The following THSD7B variants were observed in gnomAD, a reference collection of about 807,000 sequenced individuals.
The protein encoded by THSD7B is thrombospondin type 1 domain containing 7B, also known as thrombospondin type-1 domain-containing protein 7B.
A neutral mutation model predicts 213.6 loss-of-function variants in THSD7B; 138 were observed. The observed-to-expected ratio is 0.65, with a 90% CI of 0.56 to 0.74. The LOEUF is 0.74. THSD7B is among the 30% of genes least tolerant of loss of function. THSD7B has a pLI of 0.00. For synonymous variants in THSD7B, 742 were observed against 687.0 expected (o/e 1.08, Z -1.25); for missense variants, 1,931 against 1,991.5 (o/e 0.97, Z 0.58).
intron 12 of THSD7B, among the ~76,000 whole-genome samples, chr2:137,368,566 T>G (rs1685471962): frequency 1.3e-5 from 2 of 152,184 alleles, no homozygotes; most frequent in Admixed American, 1.3e-4. Flanking sequence ...TCAGTGATAC[T>G]ATATTCCAGT....
intron 12 of THSD7B, among the ~76,000 whole-genome samples, chr2:137,297,068 C>T (rs56881366): frequency 0.022 from 3,220 of 149,318 alleles, 103 homozygotes; most frequent in African/African-American, 0.069. Flanking sequence ...TTCTTGTTTA[C>T]GTTTGTTGTC....
intron 2 of THSD7B, among the ~76,000 whole-genome samples, chr2:136,989,081 A>G (rs1558878437): frequency 1.3e-5 from 2 of 152,230 alleles, no homozygotes; most frequent in Admixed American, 1.3e-4. Context: ...GAAAATCTCT[A>G]GGAGCAGATG....
chr2:137,203,357 G>A (rs1273752779), intron 7 of THSD7B, among the ~76,000 whole-genome samples: 1 of 151,960 alleles, frequency 6.6e-6, no homozygotes, highest in Admixed American at 6.6e-5. Context: ...GTTTCAGATT[G>A]TCTGGAATTG....
Position 137,095,029 on chromosome 2 carries a change from G to A in THSD7B, c.1107G>A (p.Lys369=), listed in dbSNP as rs977906115. The change falls in exon 4 of 28, where the codon AAG becomes AAA. Residue 369 remains lysine (K), a synonymous_variant. Transcript: ENST00000409968. ...PGFRSRSRNV[K]HMAIGGGKEC... is the part of the protein sequence containing the mutation. The stretch of plus-strand genomic sequence containing the variant: ...TTAGGAGCAGGAGCCGGAACGTGAA[G>A]CACATGGCTATTGGAGGTGGAAAGG... The A allele has an allele frequency of 6.2e-7, 1 of 1,613,734 alleles. No individual in the cohort carries two copies. Among genetic ancestry groups the A allele is most frequent in the African/African-American group, 1.3e-5 (1 of 74,918 alleles).
intron 1 of THSD7B, among the ~76,000 whole-genome samples, chr2:136,787,091 CTTTGAG>C (rs1389717115): frequency 6.6e-6 from 1 of 152,058 alleles, no homozygotes; most frequent in Non-Finnish European, 1.5e-5. Context: ...TAACAAGATA[CTTTGAG>C]TTTGTTTCCA....
chr2:137,663,740 A>T (rs1214580795), intron 26 of THSD7B, among the ~76,000 whole-genome samples, 165 bp downstream of exon 26: 4 of 152,240 alleles, frequency 2.6e-5, no homozygotes, highest in African/African-American at 9.6e-5. Context: ...TACATGATAT[A>T]TGAGTCCCTT....
chr2:137,035,352 T>A (rs1285023557), intron 2 of THSD7B, among the ~76,000 whole-genome samples: 2 of 152,184 alleles, frequency 1.3e-5, no homozygotes, highest in Admixed American at 1.3e-4. Flanking sequence ...GGAGCTCTCC[T>A]TTTTGCAATG....
intron 14 of THSD7B, among the ~76,000 whole-genome samples, chr2:137,448,641 C>CA (rs1333280348): frequency 4.0e-5 from 6 of 151,866 alleles, no homozygotes; most frequent in African/African-American, 4.8e-5. Flanking sequence ...ACTAAAAATA[C>CA]AAAAAAAATT....
chr2:137,133,916 C>T (rs1264012603), intron 5 of THSD7B, among the ~76,000 whole-genome samples: 1 of 152,120 alleles, frequency 6.6e-6, no homozygotes, highest in Non-Finnish European at 1.5e-5. Flanking sequence ...TGCTCCATAG[C>T]CATATGCAGC....
chr2:137,247,791 T>A (rs1265899746), intron 10 of THSD7B, among the ~76,000 whole-genome samples: 2 of 152,116 alleles, frequency 1.3e-5, no homozygotes, highest in South Asian at 4.1e-4. Flanking sequence ...GATTTTTTTT[T>A]AAACACCTAG....
chr2:136,994,484 A>G (rs1424950337), intron 2 of THSD7B, among the ~76,000 whole-genome samples: 2 of 152,040 alleles, frequency 1.3e-5, no homozygotes, highest in African/African-American at 4.8e-5. Flanking sequence ...GGAGAATGGC[A>G]TGAACCCGGG....
chr2:137,038,746 C>A (rs1411649990), intron 2 of THSD7B, among the ~76,000 whole-genome samples: 1 of 152,168 alleles, frequency 6.6e-6, no homozygotes, highest in African/African-American at 2.4e-5. Context: ...GCAATCTGTA[C>A]CATTCACCTT....
chr2:136,921,259 T>C (rs567375), intron 2 of THSD7B, among the ~76,000 whole-genome samples: 73,359 of 150,126 alleles, frequency 0.49, 19,007 homozygotes, highest in Non-Finnish European at 0.58. Context: ...AGGCCCCTTA[T>C]TCTGCTTATA....
intron 2 of THSD7B, among the ~76,000 whole-genome samples, chr2:136,973,462 T>C (rs1685433972): frequency 1.3e-5 from 2 of 152,202 alleles, no homozygotes; most frequent in South Asian, 4.1e-4. Flanking sequence ...GCACTTTTTT[T>C]CTTATAATGG....
chr2:136,978,301 A>C (rs117404422), intron 2 of THSD7B, among the ~76,000 whole-genome samples: 2,251 of 152,262 alleles, frequency 0.015, 36 homozygotes, highest in East Asian at 0.075. Flanking sequence ...GATATCTATC[A>C]GTTCCATTTA....
intron 2 of THSD7B, among the ~76,000 whole-genome samples, chr2:137,033,119 A>C (rs1344426050): frequency 9.6e-6 from 1 of 104,010 alleles, no homozygotes; most frequent in Non-Finnish European, 1.9e-5. Context: ...ACTTGATAAC[A>C]AGTACTCTAA....
At chr2:137,121,271 G>A (rs756200351) in intron 5 of THSD7B, among the ~76,000 whole-genome samples, 1 of 152,118 alleles carries the variant, frequency 6.6e-6, no homozygotes, top group Non-Finnish European at 1.5e-5. Flanking sequence ...GAGCTACCCT[G>A]GACGAATGAG....
At chr2:137,655,032 TTG>T (rs1683208979) in intron 21 of THSD7B, among the ~76,000 whole-genome samples, 1 of 152,282 alleles carries the variant, frequency 6.6e-6, no homozygotes, top group African/African-American at 2.4e-5. Flanking sequence ...AAACAAATTC[TTG>T]TGGCAACAGA....
intron 10 of THSD7B, among the ~76,000 whole-genome samples, chr2:137,249,575 A>G (rs1326367286): frequency 2.0e-5 from 3 of 152,178 alleles, no homozygotes; most frequent in African/African-American, 7.2e-5. Flanking sequence ...AAGACCTGAA[A>G]TCTACAGTAT....
Sources: gnomAD v4.1 joint callset for allele counts (sites outside exome capture counted in the v4.1 genomes callset) on GRCh38, gnomAD v4.1.1 for gene constraint, MANE v1.5 for transcripts, NCBI Gene and HGNC (gene_info 2026-07-23, HGNC 2026-07-21) for gene names.